The following GRAMD2A variants were observed in gnomAD, a reference collection of about 807,000 sequenced individuals.
GRAMD2A encodes GRAM domain containing 2A.
GRAMD2A carries 37 observed loss-of-function variants against 51.1 expected under a neutral mutation model. The observed-to-expected ratio is 0.72, with a 90% CI of 0.56 to 0.95. The LOEUF (loss-of-function observed/expected upper bound fraction) is 0.95. Among genes scored for constraint, GRAMD2A ranks in the 40% least tolerant of loss-of-function variants. GRAMD2A has a pLI of 0.00. For missense variants in GRAMD2A, 414 were observed against 426.9 expected (o/e 0.97, Z 0.27); for synonymous variants, 136 against 157.1 (o/e 0.87, Z 1.01).
chr15:72,160,518 C>G lies in GRAMD2A; in HGVS notation c.*1491G>C, dbSNP rs572467285. 1 of 152,162 alleles carries G rather than the reference C, an allele frequency of 6.6e-6. No homozygotes were observed. Among genetic ancestry groups the G allele is most frequent in the Non-Finnish European group, 1.5e-5 (1 of 68,044 alleles). The allele number at this position is 152,162 out of a possible 1,614,324, so 9.4% of individuals were successfully genotyped here. A position where few individuals can be genotyped will look rare whatever the true frequency, so the allele number is the denominator to read the frequency against. On this transcript the variant is annotated 3_prime_UTR_variant, in exon 12 of 12. Transcript: ENST00000309731. ...AATTCTCATTTGGGTTTGTCATAAA[C>G]AGGACAGACAGTCGTCTGCTTCACA...
At chr15:72,172,112 C>T (rs2081616034) in intron 1 of GRAMD2A, among the ~76,000 whole-genome samples, 1 of 151,622 alleles carries the variant, frequency 6.6e-6, no homozygotes, top group Non-Finnish European at 1.5e-5. Context: ...AGGCATGAGC[C>T]ACCACGCCCG....
intron 1 of GRAMD2A, among the ~76,000 whole-genome samples, chr15:72,193,522 C>T (rs2081783391): frequency 1.4e-5 from 2 of 144,940 alleles, no homozygotes; most frequent in African/African-American, 5.1e-5. Context: ...CCGGCTTGTG[C>T]ATTTCTTTTT....
At chr15:72,183,161 C>T (rs187894186) in intron 1 of GRAMD2A, among the ~76,000 whole-genome samples, 31 of 152,024 alleles carry the variant, frequency 2.0e-4, no homozygotes, top group Non-Finnish European at 4.6e-4. Flanking sequence ...GTGTGAGCCA[C>T]TGTGCCCAGA....
In GRAMD2A at chr15:72,166,737, G is replaced by C. The variant is rs752491943; in HGVS notation, c.472-34C>G. On this transcript the variant is annotated intron_variant, in intron 6 of 11. Coordinates refer to ENST00000309731, the MANE Select transcript of GRAMD2A (RefSeq NM_001012642.3). This position sits in a 1 kb window ranked among gnomAD's most constrained non-coding sequence, Gnocchi z 4.1. The stretch of plus-strand genomic sequence containing the variant: ...TGGAAAGAAAACAGACAGGGGTAGG[G>C]TGAGATGAGACTCCTTGCTGTGCCA... 2.0e-5 allele frequency: 32 copies of C among 1,569,688 alleles called. No individual in the cohort carries two copies. The highest frequency in any genetic ancestry group is 2.8e-5 in the Non-Finnish European group (32 of 1,142,610).
chr15:72,196,231 G>C (rs1433683331), intron 1 of GRAMD2A, among the ~76,000 whole-genome samples: 2 of 152,202 alleles, frequency 1.3e-5, no homozygotes, highest in African/African-American at 4.8e-5. Flanking sequence ...GAGGGGGCCA[G>C]GCACGTGGCT....
At chr15:72,193,344 G>C (rs1485813747) in intron 1 of GRAMD2A, among the ~76,000 whole-genome samples, 1 of 149,944 alleles carries the variant, frequency 6.7e-6, no homozygotes, top group Non-Finnish European at 1.5e-5. Context: ...AGCCTCCCTA[G>C]TAGCTGAAAT....
chr15:72,190,554 T>C (rs1236944613), intron 1 of GRAMD2A, among the ~76,000 whole-genome samples: 4 of 152,188 alleles, frequency 2.6e-5, no homozygotes. Context: ...TCTTCTTATA[T>C]TGCAAGATTC....
chr15:72,173,278 A>C (rs934874221), intron 1 of GRAMD2A, among the ~76,000 whole-genome samples: 2 of 152,202 alleles, frequency 1.3e-5, no homozygotes, highest in African/African-American at 4.8e-5. Context: ...TGCATAGATA[A>C]CCATGTCTTT....
At chr15:72,175,522 G>T (rs999648069) in intron 1 of GRAMD2A, among the ~76,000 whole-genome samples, 3 of 152,162 alleles carry the variant, frequency 2.0e-5, no homozygotes, top group African/African-American at 7.2e-5. Flanking sequence ...TCACACCTGC[G>T]TGCTTTGCCT....
intron 1 of GRAMD2A, among the ~76,000 whole-genome samples, chr15:72,186,947 GA>G (rs1407218057): frequency 1.3e-5 from 2 of 149,512 alleles, no homozygotes; most frequent in Non-Finnish European, 3.0e-5. Flanking sequence ...AGGAGTTCGA[GA>G]CCAGCCTGGC....
rs759395410 is a variant in GRAMD2A, at chr15:72,168,534, G to C, written c.225C>G (p.His75Gln). 1.2e-6 allele frequency: 2 copies of C among 1,613,856 alleles called. No homozygotes were observed. The highest frequency in any genetic ancestry group is 4.5e-5 in the East Asian group (2 of 44,890). The change falls in exon 4 of 12, where the codon CAC (histidine) becomes CAG (glutamine). Residue 75 changes from histidine to glutamine, a missense_variant. By Grantham distance (24) the His-to-Gln change is conservative. Transcript: ENST00000309731. ...CCAAGGGAACATCCTTAAACAGCTT[G>C]TGGTATTGCTGGTTGTATTTATTCA... ...ITLNKYNQQYHKLFKDVPLEE... is the reference protein window; with the variant it reads ...ITLNKYNQQYQKLFKDVPLEE...
At chr15:72,169,032 C>A (rs775322783) in intron 2 of GRAMD2A, 36 bp from the exon 3 acceptor site, 10 of 1,597,740 alleles carry the variant, frequency 6.3e-6, no homozygotes, top group Non-Finnish European at 8.6e-6. Context: ...GAACAAGGAA[C>A]CCCAGTCCTG....
chr15:72,160,461 G>A lies in GRAMD2A; in HGVS notation c.*1548C>T, dbSNP rs1163208102. 6.6e-6 allele frequency: 1 copy of A among 152,132 alleles called. No homozygotes were observed. The highest frequency in any genetic ancestry group is 1.5e-5 in the Non-Finnish European group (1 of 68,030). The allele number at this position is 152,132 out of a possible 1,614,324, so 9.4% of individuals were successfully genotyped here. On this transcript the variant is annotated 3_prime_UTR_variant, in exon 12 of 12. Coordinates refer to ENST00000309731, the MANE Select transcript of GRAMD2A (RefSeq NM_001012642.3). ...CATCCTAAAAACTGGGATGGGGAGA[G>A]CATGAAGAGACCACTTACTGGTAGT...
intron 10 of GRAMD2A, 89 bp downstream of exon 10, chr15:72,163,177 A>G (rs1187912973): frequency 3.4e-6 from 3 of 877,284 alleles, no homozygotes; most frequent in Non-Finnish European, 5.5e-6. Context: ...CCTGGTTCTG[A>G]ATAGTGAATT....
rs201152374 is a variant in GRAMD2A at position 72,168,473 on chromosome 15, T to C, written c.268+18A>G. 347 of 1,604,356 alleles carry C rather than the reference T, an allele frequency of 2.2e-4. 7 individuals carry two copies. In the East Asian group the frequency reaches 5.5e-3, roughly 26 times the overall value. ...GGCACTCTGGGTGCCTAACCAGCTA[T>C]ACCGGGAGACAGCTCACCTTTGAGA... On this transcript the variant is annotated intron_variant, in intron 4 of 11. Transcript: ENST00000309731.
intron 1 of GRAMD2A, among the ~76,000 whole-genome samples, chr15:72,190,114 C>T (rs939226941): frequency 2.0e-5 from 3 of 152,176 alleles, no homozygotes; most frequent in African/African-American, 7.2e-5. Flanking sequence ...TGGTGGCTCA[C>T]GCCTGTAATC....
At chr15:72,183,731 G>A (rs1388728870) in intron 1 of GRAMD2A, among the ~76,000 whole-genome samples, 1 of 152,202 alleles carries the variant, frequency 6.6e-6, no homozygotes, top group Non-Finnish European at 1.5e-5. Context: ...TGTCATGGAA[G>A]CCAAAGGAGG....
intron 1 of GRAMD2A, among the ~76,000 whole-genome samples, chr15:72,197,341 G>A (rs753229383): frequency 6.6e-6 from 1 of 152,242 alleles, no homozygotes; most frequent in African/African-American, 2.4e-5. Context: ...TTAGGACTGG[G>A]AGTCGATACC....
At chr15:72,163,161 C>T (rs2081498245) in intron 10 of GRAMD2A, 105 bp downstream of exon 10, 3 of 752,304 alleles carry the variant, frequency 4.0e-6, no homozygotes, top group Admixed American at 2.6e-5. Flanking sequence ...GACTCAGAAA[C>T]TTCCCCCTGG....
Sources: gnomAD v4.1 joint callset for allele counts (sites outside exome capture counted in the v4.1 genomes callset) on GRCh38, gnomAD v4.1.1 for gene constraint, Gnocchi (gnomAD v3.1) non-coding constraint, MANE v1.5 for transcripts, NCBI Gene and HGNC (gene_info 2026-07-23, HGNC 2026-07-21) for gene names.